PPP1R13B: variants seen among roughly 807,000 people sequenced by gnomAD.
The protein encoded by PPP1R13B is apoptosis-stimulating of p53 protein 1.
PPP1R13B carries 44 observed loss-of-function variants against 119.8 expected under a neutral mutation model. The ratio of observed to expected loss-of-function variants is 0.37; its 90% CI spans 0.29 to 0.47. PPP1R13B has a LOEUF of 0.47. PPP1R13B is among the 20% of genes least tolerant of loss of function. The probability of loss-of-function intolerance (pLI) is 0.99; values close to 1 mark genes in which losing one functional copy is unlikely to be tolerated. For synonymous variants in PPP1R13B, 542 were observed against 561.5 expected, an observed-to-expected ratio of 0.97 and a Z score of 0.49; for missense variants, 1,227 against 1,413.5, an observed-to-expected ratio of 0.87 and a Z score of 2.12.
chr14:103,742,061 CTG>C lies in PPP1R13B; in HGVS notation c.1549_1550del (p.Gln517AspfsTer29). On this transcript the variant is annotated frameshift_variant, in exon 11 of 17. Transcript: ENST00000202556. LOFTEE classifies it high-confidence loss of function. The surrounding 1 kb of genome is among the most constrained non-coding windows in gnomAD (Gnocchi z 4.9). ...GCGGTACGGAAATCCTCTGCTGAAT[CTG>C]TTGTGAGGAGCCTGGCTGGGGGGTG... ...GSTPQPGSSQ[Q>X]IQQRISVPPS... 1.2e-6 allele frequency: 2 copies of C among 1,614,168 alleles called. No homozygotes were observed. The highest frequency in any genetic ancestry group is 1.7e-6 in the Non-Finnish European group (2 of 1,180,022).
intron 1 of PPP1R13B, among the ~76,000 whole-genome samples, chr14:103,837,074 CA>C (rs2086795625): frequency 6.6e-6 from 1 of 152,156 alleles, no homozygotes; most frequent in Non-Finnish European, 1.5e-5. Context: ...TACACCTCTA[CA>C]AAAAGTGTAC....
intron 1 of PPP1R13B, among the ~76,000 whole-genome samples, chr14:103,806,920 T>C (rs898462786): frequency 6.6e-6 from 1 of 152,180 alleles, no homozygotes; most frequent in Non-Finnish European, 1.5e-5. Context: ...AGCAAACTCA[T>C]TCATCTGTTT....
intron 2 of PPP1R13B, among the ~76,000 whole-genome samples, chr14:103,786,802 G>C (rs1453378382): frequency 7.1e-6 from 1 of 141,610 alleles, no homozygotes; most frequent in Non-Finnish European, 1.5e-5. Flanking sequence ...TGGTCATGGT[G>C]GTGCACGCCT....
chr14:103,739,168 C>T, intron 12 of PPP1R13B, 145 bp from the exon 13 acceptor site: 1 of 1,119,172 alleles, frequency 8.9e-7, no homozygotes, highest in Non-Finnish European at 1.3e-6. Context: ...GTAGCAGCGC[C>T]CAGGTGACCA....
Position 103,757,720 on chromosome 14 carries a change from G to A in PPP1R13B, c.386C>T (p.Ser129Leu). 1 of 1,614,068 alleles carries A rather than the reference G, an allele frequency of 6.2e-7. No homozygotes were observed. The highest frequency in any genetic ancestry group is 8.5e-7 in the Non-Finnish European group (1 of 1,179,970). The change falls in exon 5 of 17, where the codon TCA (serine) becomes TTA (leucine). Residue 129 changes from serine (S) to leucine (L), a missense_variant. Transcript: ENST00000202556. ...VGNPRVELTL[S>L]ELQDMAARQQ... is the part of the protein sequence containing the mutation. The stretch of plus-strand genomic sequence containing the variant: ...CCTAGCTGCCATATCTTGGAGCTCT[G>A]AGAGGGTAAGTTCAACACGTGGATT...
chr14:103,748,593 G>A (rs1180695725), intron 8 of PPP1R13B, among the ~76,000 whole-genome samples: 1 of 152,256 alleles, frequency 6.6e-6, no homozygotes, highest in Non-Finnish European at 1.5e-5. Context: ...CACGAGGGCA[G>A]AATGCACTCA....
chr14:103,795,712 C>T (rs1355374249), intron 2 of PPP1R13B, among the ~76,000 whole-genome samples: 1 of 152,114 alleles, frequency 6.6e-6, no homozygotes, highest in African/African-American at 2.4e-5. Context: ...ACACTGCTCC[C>T]CTTAAAAACG....
chr14:103,741,987 T>C lies in PPP1R13B; in HGVS notation c.1625A>G (p.Asp542Gly). Residue 542 changes from aspartate to glycine, a missense_variant, in exon 11 of 17, where the codon GAC becomes GGC. Physicochemically the swap from Asp to Gly is moderately conservative, Grantham distance 94. Coordinates refer to ENST00000202556, the MANE Select transcript of PPP1R13B (RefSeq NM_015316.3). ...PAGPPAFPAG[D>G]SKPELPLTVA... is the part of the protein sequence containing the mutation. Reference sequence around the variant, plus strand: ...TGTCAGTGGGAGTTCAGGCTTGCTGTCCCCAGCTGGAAATGCAGGTGGTCC... The same window carrying C: ...TGTCAGTGGGAGTTCAGGCTTGCTGCCCCCAGCTGGAAATGCAGGTGGTCC... The C allele has an allele frequency of 6.2e-7, 1 of 1,614,230 alleles. No homozygotes were observed. The highest frequency in any genetic ancestry group is 1.3e-5 in the African/African-American group (1 of 75,060).
At chr14:103,846,890 G>T in intron 1 of PPP1R13B, 2 of 706,508 alleles carry the variant, frequency 2.8e-6, no homozygotes, top group Non-Finnish European at 4.3e-6. Flanking sequence ...CAGAGTGTGG[G>T]AACTCCGGGC....
At chr14:103,792,198 G>GTGTGTGTGTGTC (rs1555441412) in intron 2 of PPP1R13B, among the ~76,000 whole-genome samples, 1 of 150,088 alleles carries the variant, frequency 6.7e-6, no homozygotes, top group Non-Finnish European at 1.5e-5. Flanking sequence ...GTGTGTGTGT[G>GTGTGTGTGTGTC]TGTATATTTT....
chr14:103,753,284 C>A, intron 6 of PPP1R13B, 88 bp from the exon 7 acceptor site: 1 of 1,307,960 alleles, frequency 7.6e-7, no homozygotes, highest in South Asian at 1.5e-5. Context: ...ATTCTAGTAT[C>A]ATTTAGTGCC....
intron 3 of PPP1R13B, among the ~76,000 whole-genome samples, chr14:103,782,898 A>G (rs185276954): frequency 6.6e-6 from 1 of 151,608 alleles, no homozygotes; most frequent in African/African-American, 2.4e-5. Flanking sequence ...TCTGCCTCCC[A>G]GGTTCAAGCG....
chr14:103,739,973 C>T lies in PPP1R13B; in HGVS notation c.2443G>A (p.Glu815Lys), dbSNP rs765773923. 7 of 1,614,052 alleles carry T rather than the reference C, an allele frequency of 4.3e-6. No individual in the cohort carries two copies. Among genetic ancestry groups the T allele is most frequent in the South Asian group, 1.1e-5 (1 of 91,082 alleles). Residue 815 changes from glutamate (E) to lysine (K), a missense_variant, in exon 12 of 17, where the codon GAG becomes AAG. Glu to Lys is a moderately conservative substitution (Grantham distance 56, BLOSUM62 1). Transcript: ENST00000202556. ...ICPQTTHQTA[E>K]PAEDNNNNVA... is the part of the protein sequence containing the mutation. The stretch of plus-strand genomic sequence containing the variant: ...TTGTTGTTATTGTCCTCTGCCGGCT[C>T]GGCAGTTTGGTGGGTGGTTTGGGGA...
intron 1 of PPP1R13B, among the ~76,000 whole-genome samples, chr14:103,811,094 C>CAAAAAAA (rs36017203): frequency 9.1e-5 from 6 of 65,828 alleles, no homozygotes; most frequent in East Asian, 5.1e-4. Flanking sequence ...GACTCCTCCT[C>CAAAAAAA]AAAAAAAAAA....
In PPP1R13B at chr14:103,738,937, T is replaced by C. The variant is rs570510119; in HGVS notation, c.2679A>G (p.Leu893=). 7.4e-4 allele frequency: 1,196 copies of C among 1,614,080 alleles called. 20 individuals are homozygous for C. In the South Asian group the frequency reaches 0.011, roughly 16 times the overall value. The change falls in exon 13 of 17, where the codon CTA becomes CTG. Residue 893 remains leucine (L), a synonymous_variant. Coordinates refer to ENST00000202556, the MANE Select transcript of PPP1R13B (RefSeq NM_015316.3). The surrounding 1 kb of genome is among the most constrained non-coding windows in gnomAD (Gnocchi z 5.6). The part of the protein sequence containing the change: ...RVRFNPLALL[L]DASLEGEFDL... ...CGAACTCTCCTTCCAGAGACGCGTC[T>C]AGGAGCAGTGCCAGGGGGTTAAACC... is the stretch of plus-strand genomic sequence containing the variant.
chr14:103,830,943 ATTT>A (rs34201103), intron 1 of PPP1R13B, among the ~76,000 whole-genome samples: 7 of 142,354 alleles, frequency 4.9e-5, no homozygotes, highest in African/African-American at 1.6e-4. Context: ...TACTCAAGTA[ATTT>A]TTTTTTTTTT....
chr14:103,763,106 C>A, intron 4 of PPP1R13B: 1 of 830,968 alleles, frequency 1.2e-6, no homozygotes, highest in East Asian at 2.7e-5. Context: ...GGGTGGCCTG[C>A]AGCAGCTTTT....
chr14:103,832,442 A>G (rs972613526), intron 1 of PPP1R13B, among the ~76,000 whole-genome samples: 2 of 152,206 alleles, frequency 1.3e-5, no homozygotes, highest in Non-Finnish European at 2.9e-5. Flanking sequence ...ATGACTTAGA[A>G]GCCTGGTAAA....
chr14:103,740,250 G>T lies in PPP1R13B; in HGVS notation c.2166C>A (p.Ile722=), dbSNP rs1349063694. 6.2e-7 allele frequency: 1 copy of T among 1,607,356 alleles called. No individual in the cohort carries two copies. The highest frequency in any genetic ancestry group is 1.7e-5 in the Admixed American group (1 of 59,370). The change falls in exon 12 of 17, where the codon ATC becomes ATA. Residue 722 remains isoleucine, a synonymous_variant. Transcript: ENST00000202556. The surrounding 1 kb of genome is among the most constrained non-coding windows in gnomAD (Gnocchi z 4.6). ...TEPEGPGGPN[I]QKLLYQRFNT... is the part of the protein sequence containing the mutation. ...TGAAGCGCTGGTACAGCAGCTTCTG[G>T]ATGTTGGGCCCGCCGGGGCCCTCGG...
Sources: allele counts gnomAD v4.1 joint callset (sites outside exome capture counted in the v4.1 genomes callset), GRCh38; gene constraint gnomAD v4.1.1; non-coding constraint Gnocchi (gnomAD v3.1); transcripts MANE v1.5; gene names NCBI Gene and HGNC (gene_info 2026-07-23, HGNC 2026-07-21).